CLDN10: variants seen among roughly 807,000 people sequenced by gnomAD.
The protein encoded by CLDN10 is claudin-10.
In CLDN10, 15 loss-of-function variants were observed where a neutral mutation model predicts 22.9. The observed-to-expected ratio is 0.65, with a 90% CI of 0.44 to 1.01. The LOEUF is 1.01. CLDN10 is among the 50% of genes least tolerant of loss of function. CLDN10 has a pLI of 0.00. For missense variants in CLDN10, 247 were observed against 287.8 expected (o/e 0.86, Z 1.03); for synonymous variants, 114 against 111.4 (o/e 1.02, Z -0.15).
chr13:95,467,568 G>A (rs2042592988), intron 1 of CLDN10, among the ~76,000 whole-genome samples: 1 of 151,482 alleles, frequency 6.6e-6, no homozygotes, highest in African/African-American at 2.4e-5. Flanking sequence ...AATACTTTCT[G>A]TTGGCCTATA....
chr13:95,462,817 T>C (rs1251892329), intron 1 of CLDN10, among the ~76,000 whole-genome samples: 1 of 151,934 alleles, frequency 6.6e-6, no homozygotes, highest in African/African-American at 2.4e-5. Context: ...ATGGGGAAAA[T>C]ATAAACGACT....
chr13:95,557,612 A>T (rs902577271), intron 1 of CLDN10, among the ~76,000 whole-genome samples: 1 of 152,128 alleles, frequency 6.6e-6, no homozygotes, highest in Non-Finnish European at 1.5e-5. Flanking sequence ...GCTGCTGTTC[A>T]TGCTGGAGAA....
intron 3 of CLDN10, among the ~76,000 whole-genome samples, chr13:95,562,132 A>G (rs900371974): frequency 4.7e-5 from 7 of 150,404 alleles, no homozygotes; most frequent in African/African-American, 1.7e-4. Context: ...GGGCTTCACC[A>G]TTTTGGCCAG....
At chr13:95,440,822 A>G (rs1376403938) in intron 1 of CLDN10, among the ~76,000 whole-genome samples, 1 of 152,268 alleles carries the variant, frequency 6.6e-6, no homozygotes, top group Non-Finnish European at 1.5e-5. Flanking sequence ...GGTTGGAAGA[A>G]GGCACAATGC....
chr13:95,471,353 T>C (rs949768293), intron 1 of CLDN10, among the ~76,000 whole-genome samples: 3 of 121,824 alleles, frequency 2.5e-5, no homozygotes, highest in Non-Finnish European at 5.4e-5. Flanking sequence ...GACTTATGGA[T>C]ATATATGTGT....
chr13:95,541,538 T>G (rs1474408481), intron 1 of CLDN10, among the ~76,000 whole-genome samples: 4 of 152,220 alleles, frequency 2.6e-5, no homozygotes, highest in Non-Finnish European at 1.5e-5. Context: ...GTTTTTCCTT[T>G]GTTTGCACTG....
chr13:95,538,555 C>A (rs568290515), intron 1 of CLDN10, among the ~76,000 whole-genome samples: 1 of 152,312 alleles, frequency 6.6e-6, no homozygotes, highest in Non-Finnish European at 1.5e-5. Context: ...CCAAACCTGC[C>A]TTCATCACGC....
At chr13:95,537,178 C>T (rs942085122) in intron 1 of CLDN10, among the ~76,000 whole-genome samples, 2 of 152,146 alleles carry the variant, frequency 1.3e-5, no homozygotes, top group African/African-American at 4.8e-5. Context: ...TTACAATCTT[C>T]TAATTTTAGG....
chr13:95,576,264 G>A (rs1338455163), intron 3 of CLDN10, among the ~76,000 whole-genome samples: 2 of 152,062 alleles, frequency 1.3e-5, no homozygotes, highest in African/African-American at 2.4e-5. Context: ...TTACTTTCTT[G>A]CCTCATCTCC....
At chr13:95,568,523 G>C (rs1168915445) in intron 3 of CLDN10, among the ~76,000 whole-genome samples, 1 of 152,018 alleles carries the variant, frequency 6.6e-6, no homozygotes, top group Non-Finnish European at 1.5e-5. Context: ...TCACATCCTG[G>C]CTAACCTCTG....
chr13:95,509,767 T>C (rs1167427676), intron 1 of CLDN10, among the ~76,000 whole-genome samples: 2 of 152,164 alleles, frequency 1.3e-5, no homozygotes, highest in Admixed American at 6.5e-5. Flanking sequence ...TTGATGGTCA[T>C]TGGTGGTTTC....
intron 1 of CLDN10, among the ~76,000 whole-genome samples, chr13:95,496,825 G>T (rs2042934762): frequency 6.6e-6 from 1 of 152,156 alleles, no homozygotes; most frequent in African/African-American, 2.4e-5. Context: ...ATCTGAGGGG[G>T]ACCCAAGCCT....
chr13:95,499,542 C>CA (rs1321842408), intron 1 of CLDN10, among the ~76,000 whole-genome samples: 4 of 151,576 alleles, frequency 2.6e-5, no homozygotes, highest in South Asian at 4.2e-4. Context: ...AACTCCATCT[C>CA]AAAAAAAAGA....
intron 1 of CLDN10, among the ~76,000 whole-genome samples, chr13:95,527,037 A>G: frequency 6.6e-6 from 1 of 152,182 alleles, no homozygotes; most frequent in East Asian, 1.9e-4. Context: ...AGTATGAAAT[A>G]TGAGTGTCAA....
chr13:95,468,994 TTA>T (rs1384954506), intron 1 of CLDN10, among the ~76,000 whole-genome samples: 1 of 152,150 alleles, frequency 6.6e-6, no homozygotes, highest in South Asian at 2.1e-4. Context: ...ACTAAATACA[TTA>T]TGATTTCATA....
chr13:95,545,298 C>A (rs983722132), intron 1 of CLDN10, among the ~76,000 whole-genome samples: 1 of 151,842 alleles, frequency 6.6e-6, no homozygotes, highest in Non-Finnish European at 1.5e-5. Flanking sequence ...AATCCCAGCA[C>A]TTTGGGAGGC....
chr13:95,547,349 C>G (rs1196651365), intron 1 of CLDN10, among the ~76,000 whole-genome samples: 1 of 152,150 alleles, frequency 6.6e-6, no homozygotes, highest in Admixed American at 6.5e-5. Context: ...GCATTCGACT[C>G]CACACTTTCT....
intron 1 of CLDN10, among the ~76,000 whole-genome samples, chr13:95,471,941 AT>A (rs58891166): frequency 0.087 from 8,306 of 95,802 alleles, 463 homozygotes; most frequent in East Asian, 0.22. Flanking sequence ...ACACTCAGCT[AT>A]TTTTTTTTTT....
At chr13:95,548,546 T>C (rs2043533119), upstream of CLDN10, among the ~76,000 whole-genome samples, 1 of 152,220 alleles carries the variant, frequency 6.6e-6, no homozygotes, top group Admixed American at 6.5e-5. Context: ...AACTGTTCAT[T>C]CTGTAACTAT....
Sources: gnomAD v4.1 joint callset for allele counts (sites outside exome capture counted in the v4.1 genomes callset) on GRCh38, gnomAD v4.1.1 for gene constraint, MANE v1.5 for transcripts, NCBI Gene and HGNC (gene_info 2026-07-23, HGNC 2026-07-21) for gene names.